Variants in HPGDS observed in about 807,000 individuals in gnomAD.
HPGDS encodes GST class-sigma.
HPGDS carries 26 observed loss-of-function variants against 23.1 expected under a neutral mutation model. That is an observed-to-expected ratio of 1.13 (90% CI 0.83 to 1.56). The LOEUF is 1.56. HPGDS is among the 40% of genes most tolerant of loss of function. The pLI is 0.00. For missense variants in HPGDS, 268 were observed against 236.4 expected (o/e 1.13, Z -0.88); for synonymous variants, 95 against 77.9 (o/e 1.22, Z -1.16).
rs761156842 is a variant in HPGDS, at chr4:94,334,529, A to G, written c.101T>C (p.Ile34Thr). The change falls in exon 2 of 6, where the codon ATA becomes ACA. Residue 34 changes from isoleucine to threonine, a missense_variant. Physicochemically the swap from Ile to Thr is moderately conservative, Grantham distance 89. Transcript: ENST00000295256. ...YLDIQYEDHR[I>T]EQADWPEIKS... is the part of the protein sequence containing the mutation. ...GATTTCAGGCCAGTCAGCTTGTTCT[A>G]TTCTGTGGTCTTCATACTGTATGTC... The G allele has an allele frequency of 3.7e-6, 6 of 1,611,032 alleles. No individual in the cohort carries two copies. Among genetic ancestry groups the G allele is most frequent in the Non-Finnish European group, 5.1e-6 (6 of 1,178,836 alleles).
At chr4:94,309,915 G>C (rs367961606) in intron 3 of HPGDS, among the ~76,000 whole-genome samples, 12 of 152,172 alleles carry the variant, frequency 7.9e-5, no homozygotes, top group African/African-American at 2.7e-4. Context: ...TCTTTTGGCT[G>C]CATAAATGTC....
chr4:94,340,305 C>CTTT (rs781532046), intron 1 of HPGDS, among the ~76,000 whole-genome samples: 1 of 26,200 alleles, frequency 3.8e-5, no homozygotes, highest in African/African-American at 1.5e-4. Flanking sequence ...TTCTTTCTTT[C>CTTT]TTTCTCTTTT....
chr4:94,302,963 A>G (rs1756073232), intron 4 of HPGDS, among the ~76,000 whole-genome samples: 2 of 152,152 alleles, frequency 1.3e-5, no homozygotes, highest in Admixed American at 1.3e-4. Flanking sequence ...CTTTCTTGAT[A>G]AGAGATGTTT....
chr4:94,335,929 G>A (rs1720998984), intron 1 of HPGDS, among the ~76,000 whole-genome samples: 1 of 152,160 alleles, frequency 6.6e-6, no homozygotes, highest in Non-Finnish European at 1.5e-5. Flanking sequence ...TCACAGACCA[G>A]GCACGGTGGC....
intron 4 of HPGDS, among the ~76,000 whole-genome samples, chr4:94,303,151 TTATGATTA>T (rs1756076468): frequency 6.6e-6 from 1 of 152,172 alleles, no homozygotes; most frequent in African/African-American, 2.4e-5. Context: ...TTACTTGCTG[TTATGATTA>T]TGACTTAGCT....
intron 2 of HPGDS, among the ~76,000 whole-genome samples, chr4:94,324,161 A>T (rs1756579529): frequency 6.6e-6 from 1 of 152,176 alleles, no homozygotes; most frequent in African/African-American, 2.4e-5. Context: ...CTTTGTGGGT[A>T]ACCTGACCTT....
intron 3 of HPGDS, among the ~76,000 whole-genome samples, chr4:94,314,132 C>T (rs1289822241): frequency 2.6e-5 from 4 of 152,232 alleles, no homozygotes; most frequent in African/African-American, 7.2e-5. Context: ...GCCTTCTTCT[C>T]TCAACTCATC....
chr4:94,315,787 C>T (rs932197744), intron 3 of HPGDS, among the ~76,000 whole-genome samples: 6 of 152,114 alleles, frequency 3.9e-5, no homozygotes, highest in South Asian at 2.1e-4. Flanking sequence ...GTTGATTATT[C>T]GTCTTTCTGA....
intron 2 of HPGDS, chr4:94,334,185 G>C (rs889336051): frequency 2.0e-5 from 4 of 197,886 alleles, no homozygotes; most frequent in Admixed American, 5.9e-5. Flanking sequence ...CCTAAACTCT[G>C]TGCACTTCAG....
intron 2 of HPGDS, among the ~76,000 whole-genome samples, chr4:94,332,672 A>G (rs532244353): frequency 3.9e-5 from 6 of 152,380 alleles, no homozygotes; most frequent in African/African-American, 1.4e-4. Context: ...GCACCCCATC[A>G]CAAGTCCGAC....
At chr4:94,328,552 A>T (rs1236214300) in intron 2 of HPGDS, among the ~76,000 whole-genome samples, 1 of 152,240 alleles carries the variant, frequency 6.6e-6, no homozygotes, top group African/African-American at 2.4e-5. Flanking sequence ...TTATAAACTG[A>T]TAAATGAAAA....
intron 3 of HPGDS, among the ~76,000 whole-genome samples, chr4:94,313,948 C>T (rs1161435801): frequency 6.6e-6 from 1 of 152,132 alleles, no homozygotes; most frequent in Non-Finnish European, 1.5e-5. Context: ...GAAGCTTGTG[C>T]ATTCATCATG....
Position 94,308,468 on chromosome 4 carries a change from G to C in HPGDS, c.336+166C>G, listed in dbSNP as rs924045978. Among the ~76,000 whole-genome samples, 5 of 152,158 alleles carry C rather than the reference G, an allele frequency of 3.3e-5. No homozygotes were observed. In the South Asian group the frequency reaches 1.0e-3, roughly 32 times the overall value. On this transcript the variant is annotated intron_variant, in intron 4 of 5. Coordinates refer to ENST00000295256, the MANE Select transcript of HPGDS (RefSeq NM_014485.3). Reference sequence around the variant, plus strand: ...TCTGGGGAGGAGTTAATGTGAAGGGGTACAATAGGGAATTGCTGTACTTTA... The same window carrying C: ...TCTGGGGAGGAGTTAATGTGAAGGGCTACAATAGGGAATTGCTGTACTTTA...
At chr4:94,326,256 G>A (rs1379324940) in intron 2 of HPGDS, among the ~76,000 whole-genome samples, 1 of 151,974 alleles carries the variant, frequency 6.6e-6, no homozygotes, top group Non-Finnish European at 1.5e-5. Flanking sequence ...TGCTAGACTT[G>A]GGAAGTTTTA....
chr4:94,303,411 AC>A (rs1285691600), intron 4 of HPGDS, among the ~76,000 whole-genome samples: 1 of 152,036 alleles, frequency 6.6e-6, no homozygotes, highest in Non-Finnish European at 1.5e-5. Flanking sequence ...TCTGAAGAAA[AC>A]CCCAATTCTG....
chr4:94,328,780 C>T (rs1756684722), intron 2 of HPGDS, among the ~76,000 whole-genome samples: 1 of 152,102 alleles, frequency 6.6e-6, no homozygotes, highest in Non-Finnish European at 1.5e-5. Context: ...ACAACTTTCC[C>T]AACCAGTGCC....
At chr4:94,338,778 A>C (rs532527563) in intron 1 of HPGDS, among the ~76,000 whole-genome samples, 32 of 152,312 alleles carry the variant, frequency 2.1e-4, no homozygotes, top group African/African-American at 7.2e-4. Flanking sequence ...ACATTTGTTA[A>C]GTAGTAGGAA....
At chr4:94,308,476 G>A (rs570718848) in intron 4 of HPGDS, among the ~76,000 whole-genome samples, 158 bp downstream of exon 4, 1 of 152,036 alleles carries the variant, frequency 6.6e-6, no homozygotes, top group South Asian at 2.1e-4. Context: ...GGGTACAATA[G>A]GGAATTGCTG....
intron 2 of HPGDS, among the ~76,000 whole-genome samples, chr4:94,319,755 T>A (rs1299616727): frequency 6.6e-6 from 1 of 152,144 alleles, no homozygotes; most frequent in East Asian, 1.9e-4. Context: ...TGAGAAAGAC[T>A]ATTTCTCCCT....
Sources: gnomAD v4.1 joint callset for allele counts (sites outside exome capture counted in the v4.1 genomes callset) on GRCh38, gnomAD v4.1.1 for gene constraint, MANE v1.5 for transcripts, NCBI Gene and HGNC (gene_info 2026-07-23, HGNC 2026-07-21) for gene names.